The following NELL2 variants were observed in gnomAD, a reference collection of about 807,000 sequenced individuals.
The protein encoded by NELL2 is protein kinase C-binding protein NELL2.
A neutral mutation model predicts 109.6 loss-of-function variants in NELL2; 41 were observed. The observed-to-expected ratio is 0.37, with a 90% CI of 0.29 to 0.49. The LOEUF (loss-of-function observed/expected upper bound fraction) is 0.49, where lower values mean the gene tolerates loss of function less well. Ranked by LOEUF, NELL2 falls within the 20% of genes least tolerant of loss-of-function variation. The pLI is 0.98. For synonymous variants in NELL2, 355 were observed against 344.7 expected, an observed-to-expected ratio of 1.03 and a Z score of -0.33; for missense variants, 900 against 1,008.3, an observed-to-expected ratio of 0.89 and a Z score of 1.45.
chr12:44,607,439 A>T (rs1272437480), intron 14 of NELL2, among the ~76,000 whole-genome samples, 175 bp from the exon 15 acceptor site: 1 of 152,136 alleles, frequency 6.6e-6, no homozygotes, highest in Non-Finnish European at 1.5e-5. Context: ...CACAACTTGT[A>T]AAACAGTACT....
chr12:44,781,070 A>C (rs112758533), intron 3 of NELL2, among the ~76,000 whole-genome samples: 47 of 152,258 alleles, frequency 3.1e-4, no homozygotes, highest in African/African-American at 9.1e-4. Context: ...AGATATCAAG[A>C]CTAAAATGAT....
At chr12:44,671,408 C>T (rs774936423) in intron 12 of NELL2, among the ~76,000 whole-genome samples, 3 of 151,906 alleles carry the variant, frequency 2.0e-5, no homozygotes, top group Non-Finnish European at 4.4e-5. Context: ...AAACCAAACC[C>T]AAATTAGTAG....
intron 13 of NELL2, among the ~76,000 whole-genome samples, chr12:44,644,326 A>T (rs1481642057): frequency 6.6e-6 from 1 of 152,034 alleles, no homozygotes; most frequent in Non-Finnish European, 1.5e-5. Flanking sequence ...ATTTTGTATA[A>T]TAAATCTGAG....
intron 12 of NELL2, among the ~76,000 whole-genome samples, chr12:44,680,128 T>C (rs1195534350): frequency 1.3e-5 from 2 of 152,122 alleles, no homozygotes; most frequent in African/African-American, 2.4e-5. Context: ...AAAGCATGGA[T>C]TGCAGTCATA....
intron 13 of NELL2, among the ~76,000 whole-genome samples, chr12:44,626,791 G>A (rs1401733549): frequency 6.6e-6 from 1 of 152,084 alleles, no homozygotes; most frequent in Non-Finnish European, 1.5e-5. Flanking sequence ...ATTAATAGGT[G>A]ACAGAATCTT....
chr12:44,587,456 G>A (rs1449763888), intron 15 of NELL2, among the ~76,000 whole-genome samples: 1 of 151,366 alleles, frequency 6.6e-6, no homozygotes, highest in Non-Finnish European at 1.5e-5. Context: ...TTACGAAATT[G>A]TTAACACATA....
At chr12:44,804,957 T>A (rs557828348) in intron 3 of NELL2, among the ~76,000 whole-genome samples, 1 of 151,938 alleles carries the variant, frequency 6.6e-6, no homozygotes, top group African/African-American at 2.4e-5. Flanking sequence ...TCCATTTTTC[T>A]AGTAATACGT....
In NELL2 at chr12:44,705,348, A is replaced by C. The variant is rs142390597; in HGVS notation, c.1190-1494T>G. Among the ~76,000 whole-genome samples the C allele has an allele frequency of 4.2e-4, 64 of 152,286 alleles. 2 individuals carry two copies. The East Asian group carries it at 0.011, about 26-fold the overall frequency. On this transcript the variant is annotated intron_variant, in intron 11 of 19. Coordinates refer to ENST00000429094, the MANE Select transcript of NELL2 (RefSeq NM_001145108.2). ...TGACTCAGTGATTTCTACAAAAATA[A>C]AATAAAATCGAACATAGGTTTATTA...
chr12:44,711,262 C>T (rs374206155), intron 11 of NELL2, 30 bp downstream of exon 11: 65 of 1,521,146 alleles, frequency 4.3e-5, no homozygotes, highest in Middle Eastern at 1.7e-4. Flanking sequence ...AACTCTTGCA[C>T]GTAAACCTTA....
intron 15 of NELL2, among the ~76,000 whole-genome samples, chr12:44,538,865 C>A (rs759547360): frequency 3.3e-5 from 5 of 152,140 alleles, no homozygotes; most frequent in Non-Finnish European, 5.9e-5. Context: ...CTGAGACAAT[C>A]TGATTTTTCT....
chr12:44,668,094 C>A (rs1947996622), intron 12 of NELL2, among the ~76,000 whole-genome samples: 1 of 152,146 alleles, frequency 6.6e-6, no homozygotes, highest in Non-Finnish European at 1.5e-5. Flanking sequence ...CCTAGAGCAC[C>A]ATGGCATCCC....
upstream of NELL2, among the ~76,000 whole-genome samples, chr12:44,915,657 T>C (rs1460929285): frequency 6.6e-6 from 1 of 152,204 alleles, no homozygotes; most frequent in Non-Finnish European, 1.5e-5. Context: ...ATTTGAAACT[T>C]ATTTTGAAGC....
intron 15 of NELL2, among the ~76,000 whole-genome samples, chr12:44,538,507 G>T (rs1460736850): frequency 1.3e-5 from 2 of 152,148 alleles, no homozygotes; most frequent in Non-Finnish European, 2.9e-5. Context: ...TTAGGTGAAA[G>T]AATGTCTTTT....
chr12:44,610,958 C>T lies in NELL2; in HGVS notation c.1457G>A (p.Cys486Tyr). The T allele has an allele frequency of 2.5e-6, 4 of 1,612,596 alleles. No individual in the cohort carries two copies. Among genetic ancestry groups the T allele is most frequent in the Non-Finnish European group, 3.4e-6 (4 of 1,179,020 alleles). Residue 486 changes from cysteine to tyrosine, a missense_variant, in exon 14 of 20, where the codon TGT (cysteine) becomes TAT (tyrosine). Physicochemically the swap from Cys to Tyr is radical, Grantham distance 194. Coordinates refer to ENST00000429094, the MANE Select transcript of NELL2 (RefSeq NM_001145108.2). ...ATCACAGTTGTGCTGATTTGTGATACACTCATCATGTTCTGAAATGAGGAA... is the reference window on the plus strand; with the variant it reads ...ATCACAGTTGTGCTGATTTGTGATATACTCATCATGTTCTGAAATGAGGAA... ...DDYSCTEHDE[C>Y]ITNQHNCDEN...
At chr12:44,876,691 C>A, upstream of NELL2, 5 of 1,550,402 alleles carry the variant, frequency 3.2e-6, no homozygotes, top group Non-Finnish European at 4.4e-6. Flanking sequence ...GCGAGTAGCG[C>A]TCGCCTGCCC....
At chr12:44,714,308 G>A (rs373724805) in intron 10 of NELL2, among the ~76,000 whole-genome samples, 1 of 151,764 alleles carries the variant, frequency 6.6e-6, no homozygotes, top group Non-Finnish European at 1.5e-5. Context: ...CTTCTCACAT[G>A]GTACAAAATC....
intron 12 of NELL2, among the ~76,000 whole-genome samples, chr12:44,686,874 C>T (rs1948735297): frequency 6.6e-6 from 1 of 152,210 alleles, no homozygotes; most frequent in African/African-American, 2.4e-5. Context: ...TTTTGTTTGT[C>T]TGTGCCCTGC....
At chr12:44,871,911 G>A (rs532226095) in intron 2 of NELL2, among the ~76,000 whole-genome samples, 1 of 152,020 alleles carries the variant, frequency 6.6e-6, no homozygotes, top group Non-Finnish European at 1.5e-5. Context: ...TATAAAATCT[G>A]TTAACACTTC....
At chr12:44,820,802 T>C (rs1943517016) in intron 2 of NELL2, among the ~76,000 whole-genome samples, 1 of 152,110 alleles carries the variant, frequency 6.6e-6, no homozygotes, top group Non-Finnish European at 1.5e-5. Context: ...GAAATAGTGA[T>C]TTTAAAATGC....
Sources: allele counts gnomAD v4.1 joint callset (sites outside exome capture counted in the v4.1 genomes callset), GRCh38; gene constraint gnomAD v4.1.1; transcripts MANE v1.5; gene names NCBI Gene and HGNC (gene_info 2026-07-23, HGNC 2026-07-21).